Variants in ANXA9 observed in about 807,000 individuals in gnomAD.
ANXA9 encodes the protein annexin 31.
Under a neutral mutation model 51.8 loss-of-function variants are expected in ANXA9, and 47 were observed. The observed-to-expected ratio is 0.91, with a 90% confidence interval of 0.72 to 1.16. The LOEUF (loss-of-function observed/expected upper bound fraction) is 1.16, where lower values mean the gene tolerates loss of function less well. ANXA9 is among the 50% of genes most tolerant of loss of function. The probability of loss-of-function intolerance (pLI) is 0.00; values close to 1 mark genes in which losing one functional copy is unlikely to be tolerated. For missense variants in ANXA9, 361 were observed against 424.7 expected (o/e 0.85, Z 1.32); for synonymous variants, 154 against 168.7 (o/e 0.91, Z 0.68).
upstream of ANXA9, among the ~76,000 whole-genome samples, chr1:150,977,455 C>T (rs1671357145): frequency 6.6e-6 from 1 of 152,192 alleles, no homozygotes; most frequent in Non-Finnish European, 1.5e-5. Context: ...ACCCATCCCC[C>T]AACACGCAGG....
At chr1:150,990,566 G>A (rs1671670552) in intron 12 of ANXA9, among the ~76,000 whole-genome samples, 1 of 152,204 alleles carries the variant, frequency 6.6e-6, no homozygotes, top group South Asian at 2.1e-4. Flanking sequence ...AAAAACTCGG[G>A]CTGGGCGCTG....
chr1:150,981,866 A>G (rs1033222742), upstream of ANXA9, among the ~76,000 whole-genome samples: 2 of 152,106 alleles, frequency 1.3e-5, no homozygotes, highest in Admixed American at 6.5e-5. Flanking sequence ...CCCTGCTGGT[A>G]TGTGCCCCAA....
chr1:150,978,432 T>C (rs12064646), upstream of ANXA9, among the ~76,000 whole-genome samples: 7,239 of 151,934 alleles, frequency 0.048, 573 homozygotes, highest in African/African-American at 0.16. Context: ...TCGGTCTCAA[T>C]AAATAAATAA....
At chr1:150,983,482 T>C in intron 4 of ANXA9, 48 bp downstream of exon 4, 1 of 1,526,174 alleles carries the variant, frequency 6.6e-7, no homozygotes, top group Non-Finnish European at 8.9e-7. Context: ...AGAGCCAATC[T>C]GTAGACCAAG....
intron 9 of ANXA9, 142 bp from the exon 10 acceptor site, chr1:150,987,727 CAAA>C (rs373848570): frequency 6.4e-4 from 347 of 538,070 alleles, no homozygotes; most frequent in Non-Finnish European, 7.0e-4. Flanking sequence ...GAGTCCTTCT[CAAA>C]AAAAAAAAAA....
intron 13 of ANXA9, 149 bp downstream of exon 13, chr1:150,994,848 C>T (rs1428385129): frequency 2.1e-6 from 3 of 1,435,458 alleles, no homozygotes; most frequent in Non-Finnish European, 2.8e-6. Flanking sequence ...AATCCCAGCA[C>T]TTTGAGAGGC....
chr1:150,979,640 C>G (rs1671381831), upstream of ANXA9, among the ~76,000 whole-genome samples: 1 of 152,182 alleles, frequency 6.6e-6, no homozygotes, highest in Admixed American at 6.5e-5. Flanking sequence ...CAAGGGGCCA[C>G]TAGGGGGCTC....
chr1:150,988,996 GAGTTTC>G (rs960954708), intron 12 of ANXA9, among the ~76,000 whole-genome samples: 4 of 149,718 alleles, frequency 2.7e-5, no homozygotes, highest in African/African-American at 4.9e-5. Context: ...TTTTGAGATG[GAGTTTC>G]ACTCTTGTTG....
At chr1:150,995,110 G>T (rs1671815236) in intron 13 of ANXA9, 150 bp from the exon 14 acceptor site, 6 of 801,170 alleles carry the variant, frequency 7.5e-6, no homozygotes, top group Non-Finnish European at 4.0e-6. Context: ...AAACCCAGGA[G>T]TCTTTGGTTA....
Position 150,987,212 on chromosome 1 carries a change from T to C in ANXA9, c.612+551T>C, listed in dbSNP as rs1671581604. Among the ~76,000 whole-genome samples the C allele has an allele frequency of 2.0e-5, 3 of 151,234 alleles. No homozygotes were observed. In the South Asian group the frequency reaches 6.3e-4, roughly 32 times the overall value. ...GTGAGACTCTATCTCCACAAAATAT[T>C]TTTAAAAATTAGCTGCACCTGTAGT... On this transcript the variant is annotated intron_variant, in intron 9 of 13. Coordinates refer to ENST00000368947, the MANE Select transcript of ANXA9 (RefSeq NM_003568.3).
chr1:150,986,880 A>G (rs1383701075), intron 9 of ANXA9, among the ~76,000 whole-genome samples: 1 of 152,138 alleles, frequency 6.6e-6, no homozygotes, highest in African/African-American at 2.4e-5. Context: ...GAGCTCATCA[A>G]CTGACATATT....
chr1:150,989,011 T>C (rs1214428817), intron 12 of ANXA9, among the ~76,000 whole-genome samples: 1 of 151,734 alleles, frequency 6.6e-6, no homozygotes, highest in Admixed American at 6.6e-5. Flanking sequence ...TCACTCTTGT[T>C]GCCCAGGCTG....
At chr1:150,980,155 G>T (rs1053063495), upstream of ANXA9, among the ~76,000 whole-genome samples, 3 of 152,154 alleles carry the variant, frequency 2.0e-5, no homozygotes, top group African/African-American at 7.2e-5. Flanking sequence ...CCAGCACTTT[G>T]GGAGTCCAAG....
intron 12 of ANXA9, among the ~76,000 whole-genome samples, chr1:150,993,020 A>G (rs1405391717): frequency 6.6e-6 from 1 of 152,208 alleles, no homozygotes; most frequent in Non-Finnish European, 1.5e-5. Context: ...GAATTGGAGC[A>G]TCCTGTTTTA....
In ANXA9 at chr1:150,983,450, C is replaced by T; in HGVS notation, c.172+16C>T. On this transcript the variant is annotated intron_variant, in intron 4 of 13. Transcript: ENST00000368947. ...ACTGGCCAAGGTGAGCCCCTTTCCC[C>T]CGGCACTTGAGACTGCCTTTTAGAG... The T allele has an allele frequency of 1.3e-6, 2 of 1,595,582 alleles. No individual in the cohort carries two copies. The highest frequency in any genetic ancestry group is 1.7e-6 in the Non-Finnish European group (2 of 1,170,482).
rs137953614 is a variant in ANXA9 at position 150,994,576 on chromosome 1, G to T, written c.853-1G>T. On this transcript the variant is annotated splice_acceptor_variant, in intron 12 of 13. Transcript: ENST00000368947. LOFTEE classifies it high-confidence loss of function. ...CCCCCATCTCTTTCTTCCCCTACTAGGAAACTGAGCCCAATTACCAAGTCC... is the reference window on the plus strand; with the variant it reads ...CCCCCATCTCTTTCTTCCCCTACTATGAAACTGAGCCCAATTACCAAGTCC... The T allele has an allele frequency of 6.2e-7, 1 of 1,613,526 alleles. No homozygotes were observed. Among genetic ancestry groups the T allele is most frequent in the Non-Finnish European group, 8.5e-7 (1 of 1,179,692 alleles).
Position 150,988,189 on chromosome 1 carries a change from A to AG in ANXA9, c.793+7dup, listed in dbSNP as rs1237697182. The AG allele has an allele frequency of 2.5e-6, 4 of 1,614,150 alleles. No individual in the cohort carries two copies. Among genetic ancestry groups the AG allele is most frequent in the Non-Finnish European group, 3.4e-6 (4 of 1,180,038 alleles). ...TCAGGTGGCTCTGCTCGGCCTAGGT[A>AG]GGGGCCTGCTCAGGATTTGTGAAGT... is the stretch of plus-strand genomic sequence containing the variant. On this transcript the variant is annotated splice_donor_region_variant and intron_variant, in intron 11 of 13. Transcript: ENST00000368947.
intron 12 of ANXA9, among the ~76,000 whole-genome samples, chr1:150,988,876 A>G (rs1050682670): frequency 6.6e-6 from 1 of 152,202 alleles, no homozygotes; most frequent in African/African-American, 2.4e-5. Context: ...TCACGATGTA[A>G]GATATTGACC....
At chr1:150,990,882 T>C (rs1030472193) in intron 12 of ANXA9, among the ~76,000 whole-genome samples, 20 of 152,094 alleles carry the variant, frequency 1.3e-4, no homozygotes, top group South Asian at 2.1e-4. Context: ...CGGTGGCTCA[T>C]GCCTGTAATC....
Sources: gnomAD v4.1 joint callset for allele counts (sites outside exome capture counted in the v4.1 genomes callset) on GRCh38, gnomAD v4.1.1 for gene constraint, MANE v1.5 for transcripts, NCBI Gene and HGNC (gene_info 2026-07-23, HGNC 2026-07-21) for gene names.